Variants in MMD2 observed in about 807,000 individuals in gnomAD.
MMD2 encodes monocyte to macrophage differentiation factor 2.
Under a neutral mutation model 33.5 loss-of-function variants are expected in MMD2, and 30 were observed. That is an observed-to-expected ratio of 0.90 (90% confidence interval 0.67 to 1.22). The LOEUF is 1.22. Among genes scored for constraint, MMD2 ranks in the 50% most tolerant of loss-of-function variants. The probability of loss-of-function intolerance (pLI) is 0.00; values close to 1 mark genes in which losing one functional copy is unlikely to be tolerated. For synonymous variants in MMD2, 129 were observed against 123.0 expected (o/e 1.05, Z -0.32); for missense variants, 364 against 325.4 (o/e 1.12, Z -0.91).
At chr7:4,922,432 T>C (rs1406122270) in intron 2 of MMD2, among the ~76,000 whole-genome samples, 3 of 151,930 alleles carry the variant, frequency 2.0e-5, no homozygotes, top group Non-Finnish European at 2.9e-5. Flanking sequence ...TAGCCAGGCG[T>C]GGTGGCGCAC....
intron 4 of MMD2, 24 bp downstream of exon 4, chr7:4,915,981 G>T (rs1421561740): frequency 6.2e-7 from 1 of 1,608,830 alleles, no homozygotes; most frequent in Non-Finnish European, 8.5e-7. Flanking sequence ...CCAAGGGTTT[G>T]CTGGGCGGCG....
downstream of MMD2, among the ~76,000 whole-genome samples, chr7:4,904,580 G>A (rs1467384139): frequency 6.6e-6 from 1 of 152,152 alleles, no homozygotes; most frequent in Non-Finnish European, 1.5e-5. Flanking sequence ...CTGAAATCAT[G>A]TGATCTTTAG....
the MMD2 span, among the ~76,000 whole-genome samples, chr7:4,899,770 G>A: frequency 1.2e-3 from 189 of 152,254 alleles, no homozygotes; most frequent in African/African-American, 4.4e-3. Flanking sequence ...GTAAACAGAA[G>A]ACGGCTGACC....
At chr7:4,945,012 A>ACCTCTCCCTCTC (rs563843987) in intron 1 of MMD2, among the ~76,000 whole-genome samples, 8 of 118,560 alleles carry the variant, frequency 6.7e-5, no homozygotes, top group Non-Finnish European at 1.4e-4. Flanking sequence ...TTCTTTTCTT[A>ACCTCTCCCTCTC]CCTCTCCCTC....
chr7:4,944,264 G>GA (rs112735764), intron 1 of MMD2, among the ~76,000 whole-genome samples: 80 of 149,034 alleles, frequency 5.4e-4, no homozygotes, highest in East Asian at 4.8e-3. Flanking sequence ...AACAGAGCAA[G>GA]AAAAAAAAAA....
At chr7:4,932,837 C>A (rs578060579) in intron 1 of MMD2, among the ~76,000 whole-genome samples, 8 of 152,066 alleles carry the variant, frequency 5.3e-5, no homozygotes, top group African/African-American at 1.9e-4. Context: ...GTTGGCCAGG[C>A]TGGTCTTGAA....
intron 1 of MMD2, among the ~76,000 whole-genome samples, chr7:4,952,210 G>C (rs1163619359): frequency 1.3e-5 from 2 of 152,180 alleles, no homozygotes; most frequent in Non-Finnish European, 2.9e-5. Context: ...GGGGAGAGGT[G>C]TGCAAAGCTG....
At chr7:4,909,301 G>C (rs1784945825) in intron 6 of MMD2, among the ~76,000 whole-genome samples, 1 of 151,900 alleles carries the variant, frequency 6.6e-6, no homozygotes, top group African/African-American at 2.4e-5. Context: ...GGGCAACATA[G>C]TGAGACCCCA....
At chr7:4,951,864 A>G (rs764816093) in intron 1 of MMD2, among the ~76,000 whole-genome samples, 1 of 152,178 alleles carries the variant, frequency 6.6e-6, no homozygotes, top group Non-Finnish European at 1.5e-5. Flanking sequence ...CCTTCCAAGT[A>G]GCTGGGACTA....
chr7:4,908,855 CCACTGCA>C (rs943622325), intron 6 of MMD2, among the ~76,000 whole-genome samples: 6 of 150,466 alleles, frequency 4.0e-5, no homozygotes, highest in African/African-American at 1.5e-4. Flanking sequence ...CGAGATCGTG[CCACTGCA>C]TTCCACGCTG....
At chr7:4,948,440 T>C (rs545820702) in intron 1 of MMD2, among the ~76,000 whole-genome samples, 1 of 152,010 alleles carries the variant, frequency 6.6e-6, no homozygotes, top group Non-Finnish European at 1.5e-5. Flanking sequence ...GGAGAATCAC[T>C]TGAACCTGGG....
At chr7:4,957,238 T>G (rs1191642965) in intron 1 of MMD2, among the ~76,000 whole-genome samples, 1 of 151,672 alleles carries the variant, frequency 6.6e-6, no homozygotes, top group East Asian at 1.9e-4. Context: ...TCCCAGCTAC[T>G]TGAGGCTGAG....
At chr7:4,935,746 T>C (rs1381117924) in intron 1 of MMD2, among the ~76,000 whole-genome samples, 1 of 151,776 alleles carries the variant, frequency 6.6e-6, no homozygotes, top group Non-Finnish European at 1.5e-5. Context: ...TGCTTGGCAT[T>C]GTGGAGTGGT....
At chr7:4,898,423 C>T in the MMD2 span, among the ~76,000 whole-genome samples, 2 of 152,156 alleles carry the variant, frequency 1.3e-5, no homozygotes, top group African/African-American at 2.4e-5. Context: ...TTTAGACGCA[C>T]TCATGGGTCA....
Position 4,911,316 on chromosome 7 carries a change from C to G in MMD2, c.366-70G>C. ...CAGGACCCCGGCCCTCGAGGACCGG[C>G]CTGTCACAGGAAATGGACCCCAGGG... On this transcript the variant is annotated intron_variant, in intron 4 of 6. Transcript: ENST00000401401. 3 of 1,292,712 alleles carry G rather than the reference C, an allele frequency of 2.3e-6. No homozygotes were observed. The South Asian group carries it at 3.9e-5, about 17-fold the overall frequency. The allele number at this position is 1,292,712 out of a possible 1,614,324, so 80.1% of individuals were successfully genotyped here. A position where few individuals can be genotyped will look rare whatever the true frequency, so the allele number is the denominator to read the frequency against.
chr7:4,920,105 G>A (rs1015328261), intron 3 of MMD2, 66 bp downstream of exon 3: 64 of 1,503,812 alleles, frequency 4.3e-5, no homozygotes, highest in Admixed American at 1.0e-4. Flanking sequence ...TTCACCCCCC[G>A]GGCTGCCATG....
In MMD2 at chr7:4,940,762, C is replaced by T. The variant is rs931268830; in HGVS notation, c.48-15230G>A. On this transcript the variant is annotated intron_variant, in intron 1 of 6. Coordinates refer to ENST00000401401, the MANE Select transcript of MMD2 (RefSeq NM_198403.4). The surrounding 1 kb of genome is among the most constrained non-coding windows in gnomAD (Gnocchi z 5.0). ...GAAACTGAGCAAGGGGTGGAAGGGG[C>T]CCGGGCTTGCATCTCGTGCCAGAGG... 6.6e-6 allele frequency among the ~76,000 whole-genome samples: 1 copy of T among 152,184 alleles called. No individual in the cohort carries two copies. The highest frequency in any genetic ancestry group is 6.5e-5 in the Admixed American group (1 of 15,270).
At chr7:4,942,786 G>C (rs1785946842) in intron 1 of MMD2, among the ~76,000 whole-genome samples, 1 of 150,940 alleles carries the variant, frequency 6.6e-6, no homozygotes, top group Admixed American at 6.6e-5. Context: ...CGGCTTTTTT[G>C]TTTGTTTTTT....
intron 3 of MMD2, among the ~76,000 whole-genome samples, chr7:4,919,731 C>A (rs7456036): frequency 1.3e-5 from 2 of 151,862 alleles, no homozygotes; most frequent in African/African-American, 2.4e-5. Context: ...ACCCACCCCC[C>A]AAAAAAATAC....
Sources: allele counts gnomAD v4.1 joint callset (sites outside exome capture counted in the v4.1 genomes callset), GRCh38; gene constraint gnomAD v4.1.1; non-coding constraint Gnocchi (gnomAD v3.1); transcripts MANE v1.5; gene names NCBI Gene and HGNC (gene_info 2026-07-23, HGNC 2026-07-21).